The following RPS6KA2 variants were observed in gnomAD, a reference collection of about 807,000 sequenced individuals.
RPS6KA2 encodes the protein ribosomal protein S6 kinase A2.
A neutral mutation model predicts 91.8 loss-of-function variants in RPS6KA2; 42 were observed. The ratio of observed to expected loss-of-function variants is 0.46; its 90% CI spans 0.36 to 0.59. The LOEUF is 0.59. RPS6KA2 is among the 20% of genes least tolerant of loss of function. The probability of loss-of-function intolerance (pLI) is 0.00; values close to 1 mark genes in which losing one functional copy is unlikely to be tolerated. For missense variants in RPS6KA2, 798 were observed against 978.5 expected (o/e 0.82, Z 2.46); for synonymous variants, 414 against 393.6 (o/e 1.05, Z -0.61).
intron 2 of RPS6KA2, among the ~76,000 whole-genome samples, chr6:166,790,012 G>A (rs952183514): frequency 5.3e-5 from 8 of 152,208 alleles, no homozygotes; most frequent in Non-Finnish European, 1.2e-4. Context: ...GCTGGACGGA[G>A]AATGACTTTG....
chr6:166,461,434 T>G (rs1780286007), intron 11 of RPS6KA2, among the ~76,000 whole-genome samples: 1 of 149,368 alleles, frequency 6.7e-6, no homozygotes, highest in South Asian at 2.1e-4. Context: ...GCCGGGCTAT[T>G]AAGAATCCTG....
intron 2 of RPS6KA2, among the ~76,000 whole-genome samples, chr6:166,820,932 A>C (rs547558565): frequency 6.6e-6 from 1 of 152,208 alleles, no homozygotes; most frequent in Non-Finnish European, 1.5e-5. Flanking sequence ...TCCTTGCCTA[A>C]GTTCGCTGCA....
At chr6:166,810,135 A>G (rs1562451279) in intron 2 of RPS6KA2, among the ~76,000 whole-genome samples, 1 of 152,074 alleles carries the variant, frequency 6.6e-6, no homozygotes, top group African/African-American at 2.4e-5. Context: ...GCTTCTGAAA[A>G]CCATCGGATC....
intron 19 of RPS6KA2, among the ~76,000 whole-genome samples, 200 bp from the exon 20 acceptor site, chr6:166,414,131 T>G (rs1469890062): frequency 6.6e-6 from 1 of 152,234 alleles, no homozygotes; most frequent in Non-Finnish European, 1.5e-5. Flanking sequence ...TTACCAAACT[T>G]GGAAGTTCAC....
At chr6:166,514,069 C>T (rs538032946) in intron 3 of RPS6KA2, among the ~76,000 whole-genome samples, 8 of 152,010 alleles carry the variant, frequency 5.3e-5, no homozygotes, top group East Asian at 1.9e-4. Context: ...GCCATAGGAT[C>T]GCGGATTGTG....
chr6:166,578,997 T>C (rs1315918987), intron 1 of RPS6KA2, among the ~76,000 whole-genome samples: 1 of 152,054 alleles, frequency 6.6e-6, no homozygotes, highest in East Asian at 1.9e-4. Context: ...TCACATTTAG[T>C]GAGAAGGCCC....
rs1786229248 is a variant in RPS6KA2, at chr6:166,612,678, T to C, written c.99+14243A>G. 6.6e-6 allele frequency among the ~76,000 whole-genome samples: 1 copy of C among 152,192 alleles called. No individual in the cohort carries two copies. Among genetic ancestry groups the C allele is most frequent in the Admixed American group, 6.6e-5 (1 of 15,266 alleles). ...ATCACTCTGTCCGGGCGTCTGTTGT[T>C]ACCCATGCTCGGGTAGGAAAATGCT... On this transcript the variant is annotated intron_variant, in intron 1 of 20. Coordinates refer to ENST00000265678, the MANE Select transcript of RPS6KA2 (RefSeq NM_021135.6). The surrounding 1 kb of genome is among the most constrained non-coding windows in gnomAD (Gnocchi z 4.3).
At chr6:166,790,050 G>A (rs578045838) in intron 2 of RPS6KA2, among the ~76,000 whole-genome samples, 3 of 152,222 alleles carry the variant, frequency 2.0e-5, no homozygotes, top group South Asian at 2.1e-4. Flanking sequence ...GGCTTTGGAC[G>A]ATCAAACTAC....
intron 2 of RPS6KA2, among the ~76,000 whole-genome samples, chr6:166,730,608 GT>G (rs1317439490): frequency 2.0e-5 from 3 of 152,108 alleles, no homozygotes; most frequent in Non-Finnish European, 4.4e-5. Context: ...GCTAGTCTAA[GT>G]TTTTGTCATT....
intron 2 of RPS6KA2, among the ~76,000 whole-genome samples, chr6:166,808,673 A>G (rs1779554882): frequency 6.6e-6 from 1 of 152,278 alleles, no homozygotes; most frequent in Non-Finnish European, 1.5e-5. Flanking sequence ...ACTAAAAAAA[A>G]GTCAGTTTCC....
At chr6:166,471,276 C>T (rs962158061) in intron 10 of RPS6KA2, among the ~76,000 whole-genome samples, 1 of 152,224 alleles carries the variant, frequency 6.6e-6, no homozygotes, top group African/African-American at 2.4e-5. Context: ...CACCGGGAGT[C>T]ACAGCAGATG....
intron 19 of RPS6KA2, among the ~76,000 whole-genome samples, chr6:166,416,131 CCCA>C (rs1778504602): frequency 1.8e-4 from 1 of 5,562 alleles, no homozygotes; most frequent in African/African-American, 5.7e-4. Flanking sequence ...CTTCATCACC[CCCA>C]CCATCACCCT....
At chr6:166,813,138 C>G (rs529324416) in intron 2 of RPS6KA2, among the ~76,000 whole-genome samples, 51 of 152,174 alleles carry the variant, frequency 3.4e-4, no homozygotes, top group Non-Finnish European at 6.5e-4. Context: ...CAGACTTTCC[C>G]CACATCTTTT....
intron 2 of RPS6KA2, among the ~76,000 whole-genome samples, chr6:166,697,794 C>A (rs1373063544): frequency 1.3e-5 from 2 of 152,218 alleles, no homozygotes; most frequent in Non-Finnish European, 2.9e-5. Context: ...CATGGAAACA[C>A]ACACACCCGA....
In RPS6KA2 at chr6:166,696,854, C is replaced by T. The variant is rs111402062; in HGVS notation, c.124-158070G>A. Among the ~76,000 whole-genome samples, 97 of 152,280 alleles carry T rather than the reference C, an allele frequency of 6.4e-4. 2 individuals carry two copies. Among genetic ancestry groups the T allele is most frequent in the African/African-American group, 2.1e-3 (89 of 41,552 alleles). ...TGCCTTTGGACTCAACCTGAAACAC[C>T]AGCTCTTCCTGGGTTTTGAGCCTTC... On this transcript the variant is annotated intron_variant, in intron 2 of 21. Transcript: ENST00000503859.
chr6:166,668,364 G>A (rs1210863716), intron 2 of RPS6KA2, among the ~76,000 whole-genome samples: 1 of 152,166 alleles, frequency 6.6e-6, no homozygotes, highest in African/African-American at 2.4e-5. Flanking sequence ...CAGCCAGATT[G>A]TGGCCTTTTC....
At chr6:166,562,947 A>G (rs3799618) in intron 1 of RPS6KA2, among the ~76,000 whole-genome samples, 12,570 of 152,304 alleles carry the variant, frequency 0.083, 883 homozygotes, top group East Asian at 0.29. Flanking sequence ...CAGGGGTACA[A>G]GGACAGGCGC....
chr6:166,837,179 A>G (rs775524469), intron 2 of RPS6KA2, among the ~76,000 whole-genome samples: 1 of 152,158 alleles, frequency 6.6e-6, no homozygotes, highest in South Asian at 2.1e-4. Context: ...AGCCTGTCTC[A>G]GAGGCAGCCC....
intron 3 of RPS6KA2, among the ~76,000 whole-genome samples, chr6:166,518,966 G>A (rs945062040): frequency 2.6e-5 from 4 of 152,234 alleles, no homozygotes; most frequent in Admixed American, 1.3e-4. Flanking sequence ...CCTAGGTGGT[G>A]TCAGTCATTC....
Sources: gnomAD v4.1 joint callset for allele counts (sites outside exome capture counted in the v4.1 genomes callset) on GRCh38, gnomAD v4.1.1 for gene constraint, Gnocchi (gnomAD v3.1) non-coding constraint, MANE v1.5 for transcripts, NCBI Gene and HGNC (gene_info 2026-07-23, HGNC 2026-07-21) for gene names.